Variants in BAZ2B observed in about 807,000 individuals in gnomAD.
The protein encoded by BAZ2B is bromodomain adjacent to zinc finger domain 2B.
Under a neutral mutation model 246.0 loss-of-function variants are expected in BAZ2B, and 91 were observed. The observed-to-expected ratio is 0.37, with a 90% confidence interval of 0.31 to 0.44. The LOEUF (loss-of-function observed/expected upper bound fraction) is 0.44. BAZ2B is among the 20% of genes least tolerant of loss of function. The pLI is 1.00. For missense variants in BAZ2B, 2,332 were observed against 2,533.7 expected, an observed-to-expected ratio of 0.92 and a Z score of 1.71; for synonymous variants, 855 against 860.0, an observed-to-expected ratio of 0.99 and a Z score of 0.10.
rs146618264 is a variant in BAZ2B at position 159,422,144 on chromosome 2, A to G, written c.2466+5797T>C. Among the ~76,000 whole-genome samples, 588 of 152,342 alleles carry G rather than the reference A, an allele frequency of 3.9e-3. 2 individuals are homozygous for G. The highest frequency in any genetic ancestry group is 0.014 in the African/African-American group (570 of 41,576). On this transcript the variant is annotated intron_variant, in intron 13 of 36. Coordinates refer to ENST00000392783, the MANE Select transcript of BAZ2B (RefSeq NM_013450.4). ...CCATGCTCATGGATAGGAAGAATCA[A>G]TATTGTCAAAATGGCCATATTGCCC...
At chr2:159,371,343 C>T (rs2060828039) in intron 27 of BAZ2B, among the ~76,000 whole-genome samples, 1 of 151,872 alleles carries the variant, frequency 6.6e-6, no homozygotes, top group African/African-American at 2.4e-5. Context: ...GGGGCTTTGC[C>T]ATGTTGCCCA....
intron 31 of BAZ2B, 66 bp from the exon 32 acceptor site, chr2:159,337,838 T>G (rs1239147257): frequency 7.0e-7 from 1 of 1,432,664 alleles, no homozygotes; most frequent in African/African-American, 1.4e-5. Flanking sequence ...GAATTACCTT[T>G]ACTTAAAATA....
intron 20 of BAZ2B, among the ~76,000 whole-genome samples, chr2:159,389,718 T>A (rs892990629): frequency 1.5e-4 from 23 of 152,294 alleles, no homozygotes; most frequent in African/African-American, 5.3e-4. Flanking sequence ...AAAATACTTA[T>A]TAATACAAGC....
chr2:159,605,589 A>G (rs1662912529), intron 1 of BAZ2B, among the ~76,000 whole-genome samples: 1 of 152,024 alleles, frequency 6.6e-6, no homozygotes, highest in South Asian at 2.1e-4. Context: ...GTCACAGAAC[A>G]CTTCATTATA....
At position 159,436,436 on chromosome 2, in the gene BAZ2B, A is replaced by G. The variant is rs1424523550; in HGVS notation, c.1293+1867T>C. On this transcript the variant is annotated intron_variant, in intron 8 of 36. Coordinates refer to ENST00000392783, the MANE Select transcript of BAZ2B (RefSeq NM_013450.4). The stretch of plus-strand genomic sequence containing the variant: ...GAAAATTGAGACCTGTATAGCAGCA[A>G]ATCTCTTGCTGCTTTAAGATATCCA... Among the ~76,000 whole-genome samples the G allele has an allele frequency of 3.3e-5, 5 of 152,288 alleles. No individual in the cohort carries two copies. In the East Asian group the frequency reaches 9.6e-4, roughly 29 times the overall value.
In BAZ2B at chr2:159,336,946, T is replaced by C; in HGVS notation, c.5792A>G (p.Lys1931Arg). 1 of 1,600,114 alleles carries C rather than the reference T, an allele frequency of 6.2e-7. No homozygotes were observed. Among genetic ancestry groups the C allele is most frequent in the Non-Finnish European group, 8.5e-7 (1 of 1,170,978 alleles). Residue 1931 changes from lysine (K) to arginine (R), a missense_variant, in exon 33 of 37, where the codon AAA becomes AGA. Around this residue, in one of 9 missense-constraint regions of BAZ2B, gnomAD observed 53 missense variants for 62.0 expected, o/e 0.86. Transcript: ENST00000392783. ...TTCTTAAATAAAAACACTTACAACT[T>C]TCATAATTGATTTTTCCCATGCTAT... ...KSIAWEKSIM[K>R]VYCQICRKGD...
the BAZ2B span, among the ~76,000 whole-genome samples, chr2:159,627,187 C>T: frequency 6.6e-6 from 1 of 151,902 alleles, no homozygotes. Flanking sequence ...TATCCTACCA[C>T]ACAAAAAAAG....
intron 6 of BAZ2B, among the ~76,000 whole-genome samples, chr2:159,440,791 G>A (rs1299272553): frequency 6.6e-6 from 1 of 152,044 alleles, no homozygotes; most frequent in African/African-American, 2.4e-5. Flanking sequence ...TTACAGGTGT[G>A]AGCCACCACA....
chr2:159,535,259 C>T (rs530778789), intron 2 of BAZ2B, among the ~76,000 whole-genome samples: 7 of 143,480 alleles, frequency 4.9e-5, no homozygotes, highest in East Asian at 1.9e-4. Flanking sequence ...CGGTGGCTCA[C>T]GCCTGTGATT....
intron 3 of BAZ2B, among the ~76,000 whole-genome samples, chr2:159,473,113 C>A (rs1385926738): frequency 1.3e-5 from 2 of 152,060 alleles, no homozygotes; most frequent in Admixed American, 6.6e-5. Context: ...TCTGTCTGGT[C>A]CTGGGCTTCG....
chr2:159,555,057 GTGTATGT>G, intron 2 of BAZ2B, among the ~76,000 whole-genome samples: 1 of 147,626 alleles, frequency 6.8e-6, no homozygotes, highest in Non-Finnish European at 1.5e-5. Flanking sequence ...GTGGTATGTG[GTGTATGT>G]GGGGGGTGTG....
At chr2:159,495,248 G>A (rs1298352617) in intron 2 of BAZ2B, among the ~76,000 whole-genome samples, 1 of 151,800 alleles carries the variant, frequency 6.6e-6, no homozygotes, top group Non-Finnish European at 1.5e-5. Flanking sequence ...CACTTTGGGA[G>A]GCCGAGGCGG....
the BAZ2B span, among the ~76,000 whole-genome samples, chr2:159,683,702 C>T: frequency 2.0e-5 from 3 of 152,170 alleles, no homozygotes; most frequent in African/African-American, 7.2e-5. Flanking sequence ...GATTCTTGTT[C>T]CTTTCAGCTT....
At chr2:159,453,353 T>A (rs955206048) in intron 4 of BAZ2B, among the ~76,000 whole-genome samples, 5 of 152,186 alleles carry the variant, frequency 3.3e-5, no homozygotes, top group African/African-American at 1.2e-4. Flanking sequence ...TGAGAAAAAC[T>A]TGCCTGAATT....
At chr2:159,321,412 C>T (rs1392796308) in intron 36 of BAZ2B, among the ~76,000 whole-genome samples, 1 of 151,926 alleles carries the variant, frequency 6.6e-6, no homozygotes, top group Non-Finnish European at 1.5e-5. Flanking sequence ...GAGTATATAC[C>T]CAAAAGAAAG....
At chr2:159,345,135 T>C (rs2067552091) in intron 31 of BAZ2B, among the ~76,000 whole-genome samples, 1 of 151,264 alleles carries the variant, frequency 6.6e-6, no homozygotes, top group African/African-American at 2.4e-5. Context: ...CGCTTGAACC[T>C]GGGAGGTGGA....
intron 13 of BAZ2B, among the ~76,000 whole-genome samples, chr2:159,424,605 T>A (rs976498748): frequency 2.0e-5 from 3 of 151,992 alleles, no homozygotes; most frequent in Non-Finnish European, 4.4e-5. Context: ...GATTAAAAAA[T>A]GATGAAAAAA....
chr2:159,439,964 T>C (rs760541150), intron 6 of BAZ2B, among the ~76,000 whole-genome samples: 1 of 152,164 alleles, frequency 6.6e-6, no homozygotes, highest in Admixed American at 6.5e-5. Context: ...AAGTGGTTAT[T>C]AGGTCACATA....
chr2:159,363,734 T>C (rs2059948426), intron 27 of BAZ2B, among the ~76,000 whole-genome samples: 1 of 152,184 alleles, frequency 6.6e-6, no homozygotes, highest in Admixed American at 6.5e-5. Context: ...TGTGGGAATG[T>C]AGTCCTATTC....
Sources: gnomAD v4.1 joint callset for allele counts (sites outside exome capture counted in the v4.1 genomes callset) on GRCh38, gnomAD v4.1.1 for gene constraint, gnomAD v4.1.1 regional missense constraint, MANE v1.5 for transcripts, NCBI Gene and HGNC (gene_info 2026-07-23, HGNC 2026-07-21) for gene names.